Variants in PDE4A observed in about 807,000 individuals in gnomAD.
The protein encoded by PDE4A is phosphodiesterase 4A.
Under a neutral mutation model 73.9 loss-of-function variants are expected in PDE4A, and 21 were observed. The ratio of observed to expected loss-of-function variants is 0.28; its 90% CI spans 0.20 to 0.41. The LOEUF is 0.41. PDE4A is among the 10% of genes least tolerant of loss of function. The probability of loss-of-function intolerance (pLI) is 1.00; values close to 1 mark genes in which losing one functional copy is unlikely to be tolerated. For missense variants in PDE4A, 958 were observed against 1,211.4 expected (o/e 0.79, Z 3.10); for synonymous variants, 463 against 505.4 (o/e 0.92, Z 1.13).
chr19:10,457,641 G>A (rs1388970818), intron 7 of PDE4A, among the ~76,000 whole-genome samples: 1 of 151,998 alleles, frequency 6.6e-6, no homozygotes, highest in African/African-American at 2.4e-5. Context: ...ATCCATATCT[G>A]ATGATCAGAC....
chr19:10,467,274 G>A lies in PDE4A; in HGVS notation c.2314G>A (p.Ala772Thr). 1 of 1,614,230 alleles carries A rather than the reference G, an allele frequency of 6.2e-7. No individual in the cohort carries two copies. Among genetic ancestry groups the A allele is most frequent in the East Asian group, 2.2e-5 (1 of 44,884 alleles). The change falls in exon 15 of 15, where the codon GCC (alanine) becomes ACC (threonine). Residue 772 changes from alanine to threonine, a missense_variant. Physicochemically the swap from Ala to Thr is moderately conservative, Grantham distance 58. This residue lies in a region of PDE4A where 243 missense variants were observed against 245.9 expected (regional missense o/e 0.99). Transcript: ENST00000380702. ...EVMAQEASLE[A>T]ELEAVYLTQQ... ...TATGGCACAGGAAGCATCCCTGGAG[G>A]CCGAGCTGGAGGCAGTGTATTTGAC...
intron 1 of PDE4A, among the ~76,000 whole-genome samples, chr19:10,438,222 C>T (rs763301976): frequency 3.9e-5 from 6 of 151,940 alleles, no homozygotes; most frequent in Non-Finnish European, 7.4e-5. Context: ...AAGCGATTCT[C>T]GTGCCTCAGC....
chr19:10,466,462 A>AGT (rs1555736064), intron 14 of PDE4A, among the ~76,000 whole-genome samples: 7 of 144,514 alleles, frequency 4.8e-5, no homozygotes, highest in East Asian at 4.4e-4. Context: ...AAAAAAAAAA[A>AGT]GTGTGTGTGT....
chr19:10,421,470 T>C (rs2042650785), intron 1 of PDE4A: 1 of 446,848 alleles, frequency 2.2e-6, no homozygotes, highest in Admixed American at 6.4e-5. Flanking sequence ...GTGTTTGGGG[T>C]ACTCTTGGAG....
intron 1 of PDE4A, among the ~76,000 whole-genome samples, chr19:10,430,378 G>C (rs2042771215): frequency 6.6e-6 from 1 of 152,024 alleles, no homozygotes; most frequent in Non-Finnish European, 1.5e-5. Context: ...GGGTGTCTCA[G>C]AACACCTCTA....
rs1331747698 is a variant in PDE4A at position 10,467,146 on chromosome 19, C to T, written c.2186C>T (p.Thr729Ile). 6.2e-7 allele frequency: 1 copy of T among 1,614,204 alleles called. No individual in the cohort carries two copies. Among genetic ancestry groups the T allele is most frequent in the Non-Finnish European group, 8.5e-7 (1 of 1,180,040 alleles). Residue 729 changes from threonine to isoleucine, a missense_variant, in exon 15 of 15, where the codon ACA (threonine) becomes ATA (isoleucine). Transcript: ENST00000380702. Reference protein sequence around the residue: ...EEISMAQIPCTAQEALTAQGL... With the variant: ...EEISMAQIPCIAQEALTAQGL... ...ATATCAATGGCCCAGATACCGTGCA[C>T]AGCCCAAGAGGCATTGACTGCGCAG...
intron 1 of PDE4A, chr19:10,428,959 G>C (rs2042752229): frequency 1.4e-5 from 12 of 884,844 alleles, no homozygotes; most frequent in African/African-American, 3.6e-5. Flanking sequence ...AGAAAAATTT[G>C]CCAGGTATTG....
intron 1 of PDE4A, among the ~76,000 whole-genome samples, chr19:10,434,487 C>T (rs1409502658): frequency 6.6e-6 from 1 of 151,968 alleles, no homozygotes; most frequent in Non-Finnish European, 1.5e-5. Context: ...GGATTACAGA[C>T]GTGAGCCACC....
chr19:10,430,009 G>C (rs1454583501), intron 1 of PDE4A, among the ~76,000 whole-genome samples: 1 of 151,954 alleles, frequency 6.6e-6, no homozygotes, highest in African/African-American at 2.4e-5. Context: ...ACCTATATTC[G>C]GTCTATGAAA....
Position 10,450,609 on chromosome 19 carries a change from C to G in PDE4A, c.627C>G (p.Ser209=), listed in dbSNP as rs371354398. Residue 209 remains serine, a synonymous_variant, in exon 5 of 15, where the codon TCC becomes TCG. Transcript: ENST00000380702. Reference sequence around the variant, plus strand: ...CATTTTTTTTTTTCTGCAGGCGGTCCCCGCTGGGCGGCCCCACCCCTGTCT... The same window carrying G: ...CATTTTTTTTTTTCTGCAGGCGGTCGCCGCTGGGCGGCCCCACCCCTGTCT... ...TNVPVPSNKR[S]PLGGPTPVCK... 18 of 1,607,964 alleles carry G rather than the reference C, an allele frequency of 1.1e-5. No homozygotes were observed. The African/African-American group carries it at 2.1e-4, about 19-fold the overall frequency.
chr19:10,453,131 G>A lies in PDE4A; in HGVS notation c.784-1698G>A, dbSNP rs966183412. ...AGGGAGCCCCCAGCCCTGCTGGGCCGGCCCAGGCCCCTCCGCGGCTCCCCC... is the reference window on the plus strand; with the variant it reads ...AGGGAGCCCCCAGCCCTGCTGGGCCAGCCCAGGCCCCTCCGCGGCTCCCCC... On this transcript the variant is annotated intron_variant, in intron 6 of 14. Transcript: ENST00000380702. This position sits in a 1 kb window ranked among gnomAD's most constrained non-coding sequence, Gnocchi z 4.6. The A allele has an allele frequency of 7.2e-6, 10 of 1,381,198 alleles. No homozygotes were observed. The Admixed American group carries it at 9.9e-5, about 14-fold the overall frequency. The allele number at this position is 1,381,198 out of a possible 1,614,324, so 85.6% of individuals were successfully genotyped here.
Position 10,457,850 on chromosome 19 carries a change from C to T in PDE4A, c.878-29C>T, listed in dbSNP as rs961716408. 4 of 1,611,278 alleles carry T rather than the reference C, an allele frequency of 2.5e-6. No individual in the cohort carries two copies. The African/African-American group carries it at 4.0e-5, about 16-fold the overall frequency. ...CCTCCAGGGGTGGAAGGGTTGTTCACACTTGTTCCTGCTCCCCATCTTCTG... is the reference window on the plus strand; with the variant it reads ...CCTCCAGGGGTGGAAGGGTTGTTCATACTTGTTCCTGCTCCCCATCTTCTG... On this transcript the variant is annotated intron_variant, in intron 7 of 14. Transcript: ENST00000380702.
chr19:10,450,256 C>T (rs1309847332), intron 4 of PDE4A, among the ~76,000 whole-genome samples: 1 of 152,122 alleles, frequency 6.6e-6, no homozygotes, highest in Non-Finnish European at 1.5e-5. Flanking sequence ...CTGAGAGCTG[C>T]CAGTCCTTCT....
chr19:10,430,212 G>A (rs1414972773), intron 1 of PDE4A, among the ~76,000 whole-genome samples: 1 of 151,934 alleles, frequency 6.6e-6, no homozygotes, highest in Non-Finnish European at 1.5e-5. Flanking sequence ...TTGTGGGAGT[G>A]CCCCCAGAGA....
upstream of PDE4A, chr19:10,418,841 T>A (rs2042611710): frequency 1.0e-6 from 1 of 984,276 alleles, no homozygotes. Flanking sequence ...TCAAATATGA[T>A]CTGGGGAGAA....
rs527275531 is a variant in PDE4A, at chr19:10,426,649, T to C, written c.320+5565T>C. Among the ~76,000 whole-genome samples the C allele has an allele frequency of 4.0e-5, 6 of 151,618 alleles. No individual in the cohort carries two copies. In the East Asian group the frequency reaches 1.2e-3, roughly 30 times the overall value. On this transcript the variant is annotated intron_variant, in intron 1 of 14. Coordinates refer to ENST00000380702, the MANE Select transcript of PDE4A (RefSeq NM_001111307.2). ...ACTTTGGGAGGCCAAGGCAGGTGGATTACTTGAGGCCAGGAGTTCGAGACC... is the reference window on the plus strand; with the variant it reads ...ACTTTGGGAGGCCAAGGCAGGTGGACTACTTGAGGCCAGGAGTTCGAGACC...
Position 10,467,433 on chromosome 19 carries a change from A to C in PDE4A, c.2473A>C (p.Arg825=). 1 of 1,613,718 alleles carries C rather than the reference A, an allele frequency of 6.2e-7. No homozygotes were observed. Among genetic ancestry groups the C allele is most frequent in the East Asian group, 2.2e-5 (1 of 44,854 alleles). Reference sequence around the variant, plus strand: ...TCAAAGCCCCCTTCTCCCTGCTTGGAGGACCCTGTCTGTTTCAGAGCATGC... The same window carrying C: ...TCAAAGCCCCCTTCTCCCTGCTTGGCGGACCCTGTCTGTTTCAGAGCATGC... ...ALQSPLLPAW[R]TLSVSEHAPG... The change falls in exon 15 of 15, where the codon AGG becomes CGG. Residue 825 remains arginine (R), a synonymous_variant. Transcript: ENST00000380702.
Position 10,467,523 on chromosome 19 carries a change from G to A in PDE4A, c.2563G>A (p.Ala855Thr). 2 of 1,612,660 alleles carry A rather than the reference G, an allele frequency of 1.2e-6. No individual in the cohort carries two copies. Among genetic ancestry groups the A allele is most frequent in the Non-Finnish European group, 1.7e-6 (2 of 1,179,802 alleles). ...EVEAQREHQA[A>T]KRACSACAGT... ...GGAGGCCCAACGAGAGCACCAGGCTGCCAAGAGGGCTTGCAGTGCCTGCGC... is the reference window on the plus strand; with the variant it reads ...GGAGGCCCAACGAGAGCACCAGGCTACCAAGAGGGCTTGCAGTGCCTGCGC... The change falls in exon 15 of 15, where the codon GCC (alanine) becomes ACC (threonine). Residue 855 changes from alanine to threonine, a missense_variant. Transcript: ENST00000380702.
chr19:10,444,114 C>G (rs1349290435), intron 1 of PDE4A, among the ~76,000 whole-genome samples: 1 of 151,940 alleles, frequency 6.6e-6, no homozygotes, highest in Non-Finnish European at 1.5e-5. Flanking sequence ...GGCACGGTGG[C>G]TCACGCCTGT....
Sources: allele counts gnomAD v4.1 joint callset (sites outside exome capture counted in the v4.1 genomes callset), GRCh38; gene constraint gnomAD v4.1.1; regional missense constraint gnomAD v4.1.1; non-coding constraint Gnocchi (gnomAD v3.1); transcripts MANE v1.5; gene names NCBI Gene and HGNC (gene_info 2026-07-23, HGNC 2026-07-21).